Variants in TENM2 observed in about 807,000 individuals in gnomAD.
TENM2 encodes teneurin transmembrane protein 2.
In TENM2, 52 loss-of-function variants were observed where a neutral mutation model predicts 245.2. The observed-to-expected ratio is 0.21, with a 90% CI of 0.17 to 0.27. TENM2 has a LOEUF of 0.27. Ranked by LOEUF, TENM2 falls within the 10% of genes least tolerant of loss-of-function variation. TENM2 has a pLI of 1.00. For missense variants in TENM2, 3,046 were observed against 3,666.8 expected, an observed-to-expected ratio of 0.83 and a Z score of 4.37; for synonymous variants, 1,363 against 1,438.9, an observed-to-expected ratio of 0.95 and a Z score of 1.19.
intron 24 of TENM2, among the ~76,000 whole-genome samples, 153 bp downstream of exon 26, chr5:168,226,416 A>G (rs967606878): frequency 6.6e-6 from 1 of 152,152 alleles, no homozygotes; most frequent in Non-Finnish European, 1.5e-5. Flanking sequence ...ACAGCAAACT[A>G]TAAGAGGTCA....
chr5:167,804,162 A>G (rs1765980609), intron 2 of TENM2, among the ~76,000 whole-genome samples: 1 of 152,102 alleles, frequency 6.6e-6, no homozygotes, highest in South Asian at 2.1e-4. Context: ...TACCTAATCC[A>G]TAGATAACAT....
chr5:167,207,328 A>T, the TENM2 span, among the ~76,000 whole-genome samples: 1 of 152,244 alleles, frequency 6.6e-6, no homozygotes, highest in Non-Finnish European at 1.5e-5. Context: ...GGGAAAGAGA[A>T]CGCATGAGTA....
At chr5:168,102,571 C>T (rs1793911084) in intron 9 of TENM2, among the ~76,000 whole-genome samples, 1 of 152,194 alleles carries the variant, frequency 6.6e-6, no homozygotes, top group Non-Finnish European at 1.5e-5. Flanking sequence ...ATAAGCCTGG[C>T]GTCTGGAGAG....
intron 3 of TENM2, among the ~76,000 whole-genome samples, chr5:167,876,963 G>A (rs886281342): frequency 3.9e-5 from 6 of 152,148 alleles, no homozygotes; most frequent in South Asian, 4.2e-4. Flanking sequence ...TGGGCCCAGC[G>A]ATAATCATGC....
intron 2 of TENM2, among the ~76,000 whole-genome samples, chr5:167,448,173 C>T (rs1323542933): frequency 6.6e-6 from 1 of 152,006 alleles, no homozygotes; most frequent in Non-Finnish European, 1.5e-5. Flanking sequence ...AATGGCATGT[C>T]CCCCCACCCC....
intron 2 of TENM2, among the ~76,000 whole-genome samples, chr5:167,594,560 T>C (rs191614480): frequency 1.7e-3 from 252 of 152,330 alleles, no homozygotes; most frequent in African/African-American, 5.9e-3. Context: ...AATTTCCATG[T>C]TTTGTTTAAT....
intron 1 of TENM2, among the ~76,000 whole-genome samples, chr5:167,351,896 T>C (rs914919679): frequency 1.3e-5 from 2 of 152,066 alleles, no homozygotes; most frequent in Non-Finnish European, 2.9e-5. Flanking sequence ...CTGGATGAAA[T>C]TGCTTTAGGA....
At chr5:167,722,801 CA>C (rs1188115745) in intron 2 of TENM2, among the ~76,000 whole-genome samples, 5 of 150,542 alleles carry the variant, frequency 3.3e-5, no homozygotes, top group South Asian at 2.1e-4. Flanking sequence ...ACAAAACAAA[CA>C]AAAAAAAACA....
At chr5:167,751,128 G>T (rs913882945) in intron 2 of TENM2, among the ~76,000 whole-genome samples, 1 of 152,066 alleles carries the variant, frequency 6.6e-6, no homozygotes, top group Non-Finnish European at 1.5e-5. Flanking sequence ...AGGAAGCAGG[G>T]GAGAGGAGGG....
chr5:167,993,666 G>A (rs1348805198), intron 5 of TENM2, among the ~76,000 whole-genome samples: 1 of 152,212 alleles, frequency 6.6e-6, no homozygotes, highest in Admixed American at 6.5e-5. Flanking sequence ...CTGTGGAACA[G>A]AAACAGGACT....
rs529610872 is a variant in TENM2 at position 167,652,828 on chromosome 5, C to T, written c.503-223158C>T. On this transcript the variant is annotated intron_variant, in intron 2 of 28. Transcript: ENST00000518659. ...ATTCCTCTGAGTCATCTAACTTCTC[C>T]CTCTTTCGCTTTTATTACAGGTTAA... Among the ~76,000 whole-genome samples, 10 of 152,236 alleles carry T rather than the reference C, an allele frequency of 6.6e-5. No individual in the cohort carries two copies. In the South Asian group the frequency reaches 2.1e-3, roughly 32 times the overall value.
chr5:167,307,125 C>G (rs1478526226), intron 1 of TENM2, among the ~76,000 whole-genome samples: 1 of 152,200 alleles, frequency 6.6e-6, no homozygotes, highest in Non-Finnish European at 1.5e-5. Flanking sequence ...ATGGTCTGGA[C>G]AGGCAGGCTG....
chr5:167,854,248 G>A (rs1770866502), intron 2 of TENM2, among the ~76,000 whole-genome samples: 1 of 152,120 alleles, frequency 6.6e-6, no homozygotes, highest in Non-Finnish European at 1.5e-5. Flanking sequence ...TGTGCCTGGG[G>A]CTTGCAAGAA....
At chr5:167,329,497 A>G (rs1483690084) in intron 1 of TENM2, among the ~76,000 whole-genome samples, 3 of 133,702 alleles carry the variant, frequency 2.2e-5, no homozygotes, top group African/African-American at 8.3e-5. Flanking sequence ...ACTTGCAGTG[A>G]GCCGCGATCA....
chr5:167,213,589 A>T, the TENM2 span, among the ~76,000 whole-genome samples: 1 of 152,200 alleles, frequency 6.6e-6, no homozygotes, highest in Non-Finnish European at 1.5e-5. Context: ...GCTGTCATTC[A>T]TGTTGAAAAA....
At chr5:167,832,991 C>T (rs1265092594) in intron 2 of TENM2, among the ~76,000 whole-genome samples, 1 of 152,030 alleles carries the variant, frequency 6.6e-6, no homozygotes, top group East Asian at 1.9e-4. Flanking sequence ...CAAAATCATT[C>T]AGAGTGGTTC....
intron 2 of TENM2, among the ~76,000 whole-genome samples, chr5:167,700,207 G>A (rs947689343): frequency 3.3e-5 from 5 of 152,132 alleles, no homozygotes; most frequent in Non-Finnish European, 7.3e-5. Flanking sequence ...AGATCAGATG[G>A]AACATGAAAT....
At chr5:167,494,519 CTCATTCATTCAT>C (rs374834709) in intron 2 of TENM2, among the ~76,000 whole-genome samples, 54 of 152,170 alleles carry the variant, frequency 3.5e-4, no homozygotes, top group African/African-American at 1.3e-3. Context: ...CGTCCATTCA[CTCATTCATTCAT>C]TCGACAATCA....
intron 27 of TENM2, among the ~76,000 whole-genome samples, chr5:168,250,753 G>T (rs994458158): frequency 6.6e-6 from 1 of 152,054 alleles, no homozygotes; most frequent in Non-Finnish European, 1.5e-5. Flanking sequence ...CTCCTCCCCC[G>T]TGCCTCATCG....
Sources: allele counts gnomAD v4.1 joint callset (sites outside exome capture counted in the v4.1 genomes callset), GRCh38; gene constraint gnomAD v4.1.1; transcripts MANE v1.5; gene names NCBI Gene and HGNC (gene_info 2026-07-23, HGNC 2026-07-21).